CADPS: variants seen among roughly 807,000 people sequenced by gnomAD.
CADPS encodes calcium dependent secretion activator.
A neutral mutation model predicts 167.3 loss-of-function variants in CADPS; 57 were observed. The observed-to-expected ratio is 0.34, with a 90% CI of 0.28 to 0.42. The LOEUF is 0.42. Among genes scored for constraint, CADPS ranks in the 20% least tolerant of loss-of-function variants. CADPS has a pLI of 1.00. For missense variants in CADPS, 1,414 were observed against 1,738.1 expected, an observed-to-expected ratio of 0.81 and a Z score of 3.32; for synonymous variants, 676 against 635.3, an observed-to-expected ratio of 1.06 and a Z score of -0.96.
At chr3:62,516,763 C>T (rs1180128737) in intron 14 of CADPS, 120 bp from the exon 15 acceptor site, 3 of 684,610 alleles carry the variant, frequency 4.4e-6, no homozygotes, top group Non-Finnish European at 5.2e-6. Context: ...TATTTTGTCA[C>T]GTTGTGTTAT....
chr3:62,659,909 A>G (rs987830161), intron 4 of CADPS, among the ~76,000 whole-genome samples: 2 of 152,214 alleles, frequency 1.3e-5, no homozygotes, highest in Admixed American at 1.3e-4. Context: ...TCAATACCCT[A>G]GACAGGGACC....
At position 62,446,990 on chromosome 3, in the gene CADPS, A is replaced by G. The variant is rs1477460453; in HGVS notation, c.3637-1193T>C. On this transcript the variant is annotated intron_variant, in intron 26 of 29. Transcript: ENST00000383710. The surrounding 1 kb of genome is among the most constrained non-coding windows in gnomAD (Gnocchi z 4.9). Reference sequence around the variant, plus strand: ...CAAGCTTCACCCAAATGTCTCCCAGAAAAGTACCCAGGGGAGTGATTTCCT... The same window carrying G: ...CAAGCTTCACCCAAATGTCTCCCAGGAAAGTACCCAGGGGAGTGATTTCCT... Among the ~76,000 whole-genome samples, 1 of 152,232 alleles carries G rather than the reference A, an allele frequency of 6.6e-6. No individual in the cohort carries two copies. The highest frequency in any genetic ancestry group is 1.5e-5 in the Non-Finnish European group (1 of 68,048).
At chr3:62,490,624 A>T (rs1001616091) in intron 21 of CADPS, among the ~76,000 whole-genome samples, 1 of 152,198 alleles carries the variant, frequency 6.6e-6, no homozygotes, top group East Asian at 1.9e-4. Context: ...GTCCCATTTT[A>T]AAAAAAGCAC....
chr3:62,535,049 TAC>T (rs2074407966), intron 12 of CADPS, among the ~76,000 whole-genome samples: 2 of 152,054 alleles, frequency 1.3e-5, no homozygotes, highest in South Asian at 4.1e-4. Flanking sequence ...GGAAATAATA[TAC>T]CTCAAAAAAA....
At chr3:62,688,863 T>C (rs2078571426) in intron 3 of CADPS, among the ~76,000 whole-genome samples, 1 of 151,998 alleles carries the variant, frequency 6.6e-6, no homozygotes, top group Admixed American at 6.6e-5. Flanking sequence ...TTCAGAAGAC[T>C]GTAACCCACT....
chr3:62,710,572 G>GC (rs2083206475), intron 3 of CADPS, among the ~76,000 whole-genome samples: 1 of 151,790 alleles, frequency 6.6e-6, no homozygotes, highest in Admixed American at 6.6e-5. Flanking sequence ...CTTCTAGAAG[G>GC]CCCCCTCATG....
chr3:62,751,753 A>G (rs777508774), intron 3 of CADPS, among the ~76,000 whole-genome samples: 3 of 152,246 alleles, frequency 2.0e-5, no homozygotes, highest in East Asian at 3.9e-4. Context: ...TAAGAGTACA[A>G]TCTTTATTCT....
intron 26 of CADPS, among the ~76,000 whole-genome samples, chr3:62,456,571 G>T (rs2058703944): frequency 6.6e-6 from 1 of 152,092 alleles, no homozygotes; most frequent in African/African-American, 2.4e-5. Context: ...GATGAAAAGA[G>T]AATTAGAAAA....
At chr3:62,859,098 T>A (rs542389490) in intron 1 of CADPS, among the ~76,000 whole-genome samples, 1 of 152,276 alleles carries the variant, frequency 6.6e-6, no homozygotes, top group South Asian at 2.1e-4. Context: ...ACAGAGTTCT[T>A]GCTGCGATTA....
chr3:62,665,348 C>G (rs2074218817), intron 3 of CADPS, among the ~76,000 whole-genome samples: 1 of 152,156 alleles, frequency 6.6e-6, no homozygotes, highest in Non-Finnish European at 1.5e-5. Flanking sequence ...GAAAATTCCA[C>G]ATGTGAAACA....
At chr3:62,783,749 G>A (rs1180897710) in intron 1 of CADPS, among the ~76,000 whole-genome samples, 2 of 152,174 alleles carry the variant, frequency 1.3e-5, no homozygotes, top group Non-Finnish European at 2.9e-5. Flanking sequence ...CTCAAGTACT[G>A]TACAAGTATA....
In CADPS at chr3:62,497,807, T is replaced by C. The variant is rs145706261; in HGVS notation, c.2706+1355A>G. Among the ~76,000 whole-genome samples the C allele has an allele frequency of 8.5e-4, 129 of 152,308 alleles. 5 individuals carry two copies. The East Asian group carries it at 0.024, about 28-fold the overall frequency. On this transcript the variant is annotated intron_variant, in intron 18 of 29. Coordinates refer to ENST00000383710, the MANE Select transcript of CADPS (RefSeq NM_003716.4). ...AGCTACTGGTTACTAAGTTTGATAC[T>C]CATCTGCTGTAATAAAGGTAAGTAC...
chr3:62,714,847 C>A (rs2151866311), intron 3 of CADPS, among the ~76,000 whole-genome samples: 1 of 152,178 alleles, frequency 6.6e-6, no homozygotes, highest in South Asian at 2.1e-4. Flanking sequence ...TACCTATAGA[C>A]TAAAAGAGGC....
At chr3:62,766,024 C>A (rs117601656) in intron 1 of CADPS, 40 bp from the exon 2 acceptor site, 1 of 1,421,624 alleles carries the variant, frequency 7.0e-7, no homozygotes, top group Non-Finnish European at 9.9e-7. Flanking sequence ...GAGAACTTGT[C>A]CTAGACAAGG....
chr3:62,493,579 T>C, intron 19 of CADPS, 66 bp downstream of exon 19: 1 of 1,254,688 alleles, frequency 8.0e-7, no homozygotes. Context: ...AGGGATATTC[T>C]AACAGCCACT....
chr3:62,776,810 C>T (rs111638230), intron 1 of CADPS, among the ~76,000 whole-genome samples: 4 of 151,886 alleles, frequency 2.6e-5, no homozygotes, highest in African/African-American at 9.7e-5. Flanking sequence ...TTTGCAGAGG[C>T]AGGGATAGCT....
intron 26 of CADPS, among the ~76,000 whole-genome samples, chr3:62,456,527 C>T (rs1246726067): frequency 6.6e-6 from 1 of 151,888 alleles, no homozygotes; most frequent in African/African-American, 2.4e-5. Flanking sequence ...AAACAAGCAC[C>T]AAATGGAAAC....
chr3:62,858,734 TTAATGA>T (rs2080180390), intron 1 of CADPS, among the ~76,000 whole-genome samples: 1 of 152,134 alleles, frequency 6.6e-6, no homozygotes. Context: ...CCACATTACT[TTAATGA>T]TATGTGTTGC....
intron 17 of CADPS, among the ~76,000 whole-genome samples, chr3:62,505,632 T>C (rs1481339176): frequency 6.6e-6 from 1 of 152,232 alleles, no homozygotes; most frequent in Non-Finnish European, 1.5e-5. Flanking sequence ...GAACTTGTCA[T>C]GCTCCTGCTT....
Sources: allele counts gnomAD v4.1 joint callset (sites outside exome capture counted in the v4.1 genomes callset), GRCh38; gene constraint gnomAD v4.1.1; non-coding constraint Gnocchi (gnomAD v3.1); transcripts MANE v1.5; gene names NCBI Gene and HGNC (gene_info 2026-07-23, HGNC 2026-07-21).